Variants in ARMC2 observed in about 807,000 individuals in gnomAD.
The protein encoded by ARMC2 is armadillo repeat containing 2, also known as armadillo repeat-containing protein 2.
A neutral mutation model predicts 90.3 loss-of-function variants in ARMC2; 67 were observed. The ratio of observed to expected loss-of-function variants is 0.74; its 90% confidence interval spans 0.61 to 0.91. The LOEUF (loss-of-function observed/expected upper bound fraction) is 0.91, where lower values mean the gene tolerates loss of function less well. Among genes scored for constraint, ARMC2 ranks in the 40% least tolerant of loss-of-function variants. The probability of loss-of-function intolerance (pLI) is 0.00; values close to 1 mark genes in which losing one functional copy is unlikely to be tolerated. For missense variants in ARMC2, 920 were observed against 1,030.9 expected, an observed-to-expected ratio of 0.89 and a Z score of 1.47; for synonymous variants, 393 against 393.0, an observed-to-expected ratio of 1.00 and a Z score of 0.00.
intron 7 of ARMC2, among the ~76,000 whole-genome samples, chr6:108,902,369 A>C (rs540648873): frequency 1.2e-4 from 18 of 152,320 alleles, no homozygotes; most frequent in African/African-American, 4.3e-4. Flanking sequence ...AGTAGAACCT[A>C]CCAGGCTGAA....
At chr6:108,902,517 C>T (rs755232973) in intron 7 of ARMC2, among the ~76,000 whole-genome samples, 4 of 152,168 alleles carry the variant, frequency 2.6e-5, no homozygotes, top group Non-Finnish European at 5.9e-5. Flanking sequence ...GTGTTTCATA[C>T]AATAGGAGTT....
At chr6:109,007,865 A>G in the ARMC2 span, among the ~76,000 whole-genome samples, 1 of 144,240 alleles carries the variant, frequency 6.9e-6, no homozygotes, top group Admixed American at 7.2e-5. Context: ...CTGCATTTGT[A>G]ATACTTAGGC....
At chr6:109,004,893 A>G in the ARMC2 span, among the ~76,000 whole-genome samples, 1 of 152,208 alleles carries the variant, frequency 6.6e-6, no homozygotes, top group East Asian at 1.9e-4. Flanking sequence ...CACAGGCTGT[A>G]TTGGAGAAAG....
the ARMC2 span, among the ~76,000 whole-genome samples, chr6:109,027,472 G>C: frequency 2.5e-5 from 2 of 80,022 alleles, no homozygotes; most frequent in Admixed American, 3.5e-4. Flanking sequence ...GGGAGACTCT[G>C]TCTCAAAAAA....
chr6:108,962,148 T>G (rs1431075082), intron 15 of ARMC2, 21 bp downstream of exon 15: 18 of 1,534,524 alleles, frequency 1.2e-5, no homozygotes, highest in African/African-American at 2.7e-5. Flanking sequence ...AACACTAGAA[T>G]TCATAAACAT....
At chr6:109,034,780 G>C in the ARMC2 span, among the ~76,000 whole-genome samples, 2 of 152,208 alleles carry the variant, frequency 1.3e-5, no homozygotes, top group Non-Finnish European at 2.9e-5. Context: ...GGCCAGAGCT[G>C]GAGCTGTCTT....
chr6:108,869,675 T>A (rs1776191966), intron 4 of ARMC2, among the ~76,000 whole-genome samples: 1 of 152,200 alleles, frequency 6.6e-6, no homozygotes, highest in Admixed American at 6.5e-5. Context: ...TCTTTGAGAA[T>A]GCCCTTCTGA....
At chr6:108,996,163 T>C in the ARMC2 span, among the ~76,000 whole-genome samples, 1 of 152,212 alleles carries the variant, frequency 6.6e-6, no homozygotes, top group Non-Finnish European at 1.5e-5. Context: ...ATAGTAGATA[T>C]TCAAGAAATA....
the ARMC2 span, among the ~76,000 whole-genome samples, chr6:109,039,046 G>GGGA: frequency 0.4 from 59,587 of 148,844 alleles, 12,713 homozygotes; most frequent in African/African-American, 0.54. Context: ...AGAAGAAGGA[G>GGGA]GGAGAAGGAG....
chr6:108,961,949 T>C (rs1778026892), intron 14 of ARMC2, 65 bp from the exon 15 acceptor site: 4 of 1,204,940 alleles, frequency 3.3e-6, no homozygotes, highest in Middle Eastern at 1.9e-4. Flanking sequence ...ATGATGTTGA[T>C]TTCCATTAAC....
At chr6:108,936,387 G>C (rs2128492277) in intron 11 of ARMC2, among the ~76,000 whole-genome samples, 1 of 152,242 alleles carries the variant, frequency 6.6e-6, no homozygotes, top group African/African-American at 2.4e-5. Flanking sequence ...CTCCAGAGTA[G>C]CTGGGATTAC....
the ARMC2 span, among the ~76,000 whole-genome samples, chr6:109,029,980 G>A: frequency 2.0e-5 from 3 of 152,280 alleles, no homozygotes; most frequent in East Asian, 5.8e-4. Flanking sequence ...GATAACATAA[G>A]GTCTGAGATA....
intron 4 of ARMC2, 77 bp from the exon 5 acceptor site, chr6:108,876,066 T>C: frequency 4.1e-6 from 5 of 1,210,416 alleles, no homozygotes; most frequent in Non-Finnish European, 5.8e-6. Flanking sequence ...AATTCTTAGA[T>C]TGAAAAATAA....
chr6:108,876,499 CT>C lies in ARMC2; in HGVS notation c.671+150del, dbSNP rs1370483762. On this transcript the variant is annotated intron_variant, in intron 5 of 17. Coordinates refer to ENST00000392644, the MANE Select transcript of ARMC2 (RefSeq NM_032131.6). ...GGTACATGAATAGGAGAGACTACTTCTCATGGCCAAATGGAGTTGATTTTTG... is the reference window on the plus strand; with the variant it reads ...GGTACATGAATAGGAGAGACTACTTCCATGGCCAAATGGAGTTGATTTTTG... 4.0e-5 allele frequency: 29 copies of C among 717,590 alleles called. 1 individual carries two copies. The African/African-American group carries it at 4.8e-4, about 12-fold the overall frequency. The allele number at this position is 717,590 out of a possible 1,614,324, so 44.5% of individuals were successfully genotyped here.
the ARMC2 span, among the ~76,000 whole-genome samples, chr6:108,989,096 G>A: frequency 6.6e-6 from 1 of 152,098 alleles, no homozygotes; most frequent in South Asian, 2.1e-4. Flanking sequence ...TCTGCTTCCT[G>A]GGTTCAAGCG....
At chr6:109,002,432 G>A in the ARMC2 span, 5 of 983,642 alleles carry the variant, frequency 5.1e-6, no homozygotes, top group Non-Finnish European at 6.4e-6. Context: ...ACAACCAGTC[G>A]AACAGAGACA....
intron 3 of ARMC2, among the ~76,000 whole-genome samples, chr6:108,867,725 C>T (rs538132132): frequency 1.7e-4 from 26 of 151,992 alleles, no homozygotes; most frequent in African/African-American, 5.8e-4. Flanking sequence ...GAGCCAAGAT[C>T]GTGCCATTGC....
At position 108,973,886 on chromosome 6, in the gene ARMC2, ATATAGAAAGAAGGG is replaced by A. The variant is rs1409533885; in HGVS notation, c.*375_*388del. 1.2e-5 allele frequency: 2 copies of A among 162,956 alleles called. No individual in the cohort carries two copies. Among genetic ancestry groups the A allele is most frequent in the East Asian group, 3.4e-4 (2 of 5,900 alleles). The allele number at this position is 162,956 out of a possible 1,614,324, so 10.1% of individuals were successfully genotyped here. A position where few individuals can be genotyped will look rare whatever the true frequency, so the allele number is the denominator to read the frequency against. On this transcript the variant is annotated 3_prime_UTR_variant, in exon 18 of 18. Transcript: ENST00000392644. ...ACTGTGCAATGAAGGCTGTTAGATT[ATATAGAAAGAAGGG>A]TAGGCAACATGAGTGGAACACGTTA...
chr6:109,003,618 T>C, the ARMC2 span, among the ~76,000 whole-genome samples: 1 of 152,214 alleles, frequency 6.6e-6, no homozygotes, highest in Non-Finnish European at 1.5e-5. Context: ...CCCTGGTTAG[T>C]CCATCCTTAC....
Sources: allele counts gnomAD v4.1 joint callset (sites outside exome capture counted in the v4.1 genomes callset), GRCh38; gene constraint gnomAD v4.1.1; transcripts MANE v1.5; gene names NCBI Gene and HGNC (gene_info 2026-07-23, HGNC 2026-07-21).